Variants in SH3PXD2A observed in about 807,000 individuals in gnomAD.
SH3PXD2A encodes the protein SH3 and PX domain-containing protein 2A.
A neutral mutation model predicts 115.2 loss-of-function variants in SH3PXD2A; 32 were observed. That is an observed-to-expected ratio of 0.28 (90% CI 0.21 to 0.37). SH3PXD2A has a LOEUF of 0.37. SH3PXD2A is among the 10% of genes least tolerant of loss of function. The pLI, the probability that SH3PXD2A is intolerant of heterozygous loss-of-function variation, is 1.00. For synonymous variants in SH3PXD2A, 610 were observed against 629.1 expected (o/e 0.97, Z 0.45); for missense variants, 1,328 against 1,498.7 (o/e 0.89, Z 1.88).
intron 1 of SH3PXD2A, among the ~76,000 whole-genome samples, chr10:103,814,015 A>AT (rs768673392): frequency 7.4e-6 from 1 of 134,254 alleles, no homozygotes. Flanking sequence ...AAAAAAAAAA[A>AT]CAACAAAAAA....
chr10:103,668,384 C>A (rs74154584), intron 7 of SH3PXD2A, among the ~76,000 whole-genome samples: 5 of 152,264 alleles, frequency 3.3e-5, no homozygotes. Context: ...CCAGAGCACA[C>A]GTGCTTACAC....
intron 1 of SH3PXD2A, among the ~76,000 whole-genome samples, chr10:103,824,361 G>T (rs2039409501): frequency 6.6e-6 from 1 of 152,138 alleles, no homozygotes; most frequent in Non-Finnish European, 1.5e-5. Context: ...AGGTTTATTT[G>T]GAGGAATGCT....
At chr10:103,758,239 A>C (rs2038664152) in intron 3 of SH3PXD2A, among the ~76,000 whole-genome samples, 1 of 151,968 alleles carries the variant, frequency 6.6e-6, no homozygotes, top group Admixed American at 6.5e-5. Context: ...CACACTTCTT[A>C]CTGTTCTTCA....
intron 5 of SH3PXD2A, among the ~76,000 whole-genome samples, chr10:103,697,026 C>T (rs986590626): frequency 1.3e-5 from 2 of 152,134 alleles, no homozygotes; most frequent in African/African-American, 4.8e-5. Context: ...CGCCCCATCC[C>T]CGGGTGATAC....
chr10:103,815,612 C>T (rs796181064), intron 1 of SH3PXD2A, among the ~76,000 whole-genome samples: 16 of 151,972 alleles, frequency 1.1e-4, no homozygotes, highest in African/African-American at 3.6e-4. Flanking sequence ...AATACTGGGC[C>T]AGGTGCGGTG....
chr10:103,822,060 T>C (rs1409727095), intron 1 of SH3PXD2A, among the ~76,000 whole-genome samples: 1 of 152,018 alleles, frequency 6.6e-6, no homozygotes, highest in Non-Finnish European at 1.5e-5. Flanking sequence ...TGCACCACCA[T>C]CCCCAGCTAA....
chr10:103,678,205 T>C (rs2037564998), intron 6 of SH3PXD2A: 2 of 1,253,266 alleles, frequency 1.6e-6, no homozygotes, highest in Non-Finnish European at 2.1e-6. Flanking sequence ...TGGTGTTTGC[T>C]GGGAGCCCCT....
In SH3PXD2A at chr10:103,707,457, G is replaced by A. The variant is rs531518270; in HGVS notation, c.399-14401C>T. Among the ~76,000 whole-genome samples, 54 of 152,132 alleles carry A rather than the reference G, an allele frequency of 3.5e-4. 1 individual carries two copies. In the South Asian group the frequency reaches 0.011, roughly 32 times the overall value. ...TGATCTGCCTGCCTCAGCCTCCCAA[G>A]GTGCTGGGATTATAGGCGTGAGCCA... On this transcript the variant is annotated intron_variant, in intron 5 of 14. Coordinates refer to ENST00000369774, the MANE Select transcript of SH3PXD2A (RefSeq NM_001394015.1).
intron 5 of SH3PXD2A, among the ~76,000 whole-genome samples, chr10:103,712,121 C>T (rs7394038): frequency 0.48 from 73,191 of 151,770 alleles, 18,088 homozygotes; most frequent in African/African-American, 0.59. Flanking sequence ...GATGGAACTG[C>T]TCTAAAATTG....
chr10:103,771,722 G>A (rs1034544251), intron 2 of SH3PXD2A, among the ~76,000 whole-genome samples: 8 of 150,366 alleles, frequency 5.3e-5, no homozygotes, highest in East Asian at 2.0e-4. Flanking sequence ...GCAACAGAGC[G>A]AGACTCCGTC....
intron 10 of SH3PXD2A, 25 bp downstream of exon 10, chr10:103,622,442 GGGA>G (rs757637922): frequency 2.7e-6 from 4 of 1,463,694 alleles, no homozygotes; most frequent in African/African-American, 2.8e-5. Context: ...GTCGCTGCGA[GGGA>G]GGAGAAGCCA....
intron 6 of SH3PXD2A, among the ~76,000 whole-genome samples, chr10:103,676,070 T>G (rs1423810483): frequency 6.6e-6 from 1 of 152,062 alleles, no homozygotes; most frequent in Non-Finnish European, 1.5e-5. Flanking sequence ...GTTAAGGTTC[T>G]TTCCCAAGGC....
intron 2 of SH3PXD2A, among the ~76,000 whole-genome samples, chr10:103,790,735 G>A (rs1043857773): frequency 1.3e-5 from 2 of 152,154 alleles, no homozygotes; most frequent in Admixed American, 6.5e-5. Flanking sequence ...GTCTGGGCTC[G>A]TAATCAATTA....
chr10:103,637,796 C>T (rs1421266920), intron 8 of SH3PXD2A, among the ~76,000 whole-genome samples: 1 of 152,140 alleles, frequency 6.6e-6, no homozygotes, highest in Non-Finnish European at 1.5e-5. Flanking sequence ...ATGGCACCAG[C>T]GCTGCCTACC....
chr10:103,602,069 C>T lies in SH3PXD2A; in HGVS notation c.3149G>A (p.Arg1050His), dbSNP rs368557851. The T allele has an allele frequency of 9.8e-5, 157 of 1,602,790 alleles. No homozygotes were observed. In the South Asian group the frequency reaches 1.4e-3, roughly 14 times the overall value. The change falls in exon 15 of 15, where the codon CGC (arginine) becomes CAC (histidine). Residue 1050 changes from arginine to histidine, a missense_variant. Physicochemically the swap from Arg to His is conservative, Grantham distance 29. This residue lies in a region of SH3PXD2A where 574 missense variants were observed against 565.7 expected (regional missense o/e 1.01). Transcript: ENST00000369774. ...CACAGGGGACACGGGTATGCTGTTG[C>T]GCTGGGCGGGCAGTAGGGGTGAGTC... Reference protein sequence around the residue: ...GSDSPLLPAQRNSIPVSPVRP... With the variant: ...GSDSPLLPAQHNSIPVSPVRP...
At chr10:103,629,696 T>G (rs1175523738) in intron 8 of SH3PXD2A, among the ~76,000 whole-genome samples, 7 of 152,232 alleles carry the variant, frequency 4.6e-5, no homozygotes, top group African/African-American at 1.7e-4. Flanking sequence ...AGGACCCATT[T>G]GTTGACATGG....
chr10:103,625,188 G>A lies in SH3PXD2A; in HGVS notation c.718+1901C>T, dbSNP rs558412152. On this transcript the variant is annotated intron_variant, in intron 9 of 14. Coordinates refer to ENST00000369774, the MANE Select transcript of SH3PXD2A (RefSeq NM_001394015.1). ...TTCTGTTCCAACCAGGCTGGCATCT[G>A]TGCTCCACACCTCTCGTGCGCTTTC... Among the ~76,000 whole-genome samples the A allele has an allele frequency of 1.0e-3, 155 of 152,328 alleles. 1 individual carries two copies. Among genetic ancestry groups the A allele is most frequent in the African/African-American group, 3.3e-3 (136 of 41,580 alleles).
intron 8 of SH3PXD2A, among the ~76,000 whole-genome samples, chr10:103,641,005 G>A (rs776173103): frequency 6.6e-6 from 1 of 152,120 alleles, no homozygotes; most frequent in Non-Finnish European, 1.5e-5. Flanking sequence ...TGTCCTGTTG[G>A]ATGTTTTAAT....
intron 1 of SH3PXD2A, among the ~76,000 whole-genome samples, chr10:103,846,812 C>T (rs1052424904): frequency 3.3e-5 from 5 of 152,176 alleles, no homozygotes; most frequent in African/African-American, 7.2e-5. Flanking sequence ...TGTCATTAAG[C>T]GGTCTCTGTG....
Sources: allele counts gnomAD v4.1 joint callset (sites outside exome capture counted in the v4.1 genomes callset), GRCh38; gene constraint gnomAD v4.1.1; regional missense constraint gnomAD v4.1.1; transcripts MANE v1.5; gene names NCBI Gene and HGNC (gene_info 2026-07-23, HGNC 2026-07-21).